Variants in FRMPD4 observed in about 807,000 individuals in gnomAD.
The protein encoded by FRMPD4 is FERM and PDZ domain containing 4.
FRMPD4 carries 22 observed loss-of-function variants against 94.1 expected under a neutral mutation model. The observed-to-expected ratio is 0.23, with a 90% CI of 0.17 to 0.33. The LOEUF (loss-of-function observed/expected upper bound fraction) is 0.33. Ranked by LOEUF, FRMPD4 falls within the 10% of genes least tolerant of loss-of-function variation. The probability of loss-of-function intolerance (pLI) is 1.00; values close to 1 mark genes in which losing one functional copy is unlikely to be tolerated. For synonymous variants in FRMPD4, 631 were observed against 548.6 expected, an observed-to-expected ratio of 1.15 and a Z score of -2.10; for missense variants, 1,111 against 1,339.9, an observed-to-expected ratio of 0.83 and a Z score of 2.67.
At chrX:12,465,707 T>A (rs1003371374) in intron 1 of FRMPD4, among the ~76,000 whole-genome samples, 3 of 112,080 alleles carry the variant, frequency 2.7e-5, no homozygotes, top group Non-Finnish European at 5.6e-5. Context: ...TGAGCTTTAA[T>A]GTTGAATGAA....
At chrX:12,561,676 T>C (rs998352925) in intron 2 of FRMPD4, among the ~76,000 whole-genome samples, 7 of 112,420 alleles carry the variant, frequency 6.2e-5, no homozygotes, top group African/African-American at 2.3e-4. Context: ...TGTGTTTGAA[T>C]AAGGGATCGT....
At chrX:11,866,654 ATATAT>A (rs1233522176) in intron 2 of FRMPD4, among the ~76,000 whole-genome samples, 4 of 112,427 alleles carry the variant, frequency 3.6e-5, no homozygotes, top group Non-Finnish European at 5.6e-5. Context: ...AACTAGATTA[ATATAT>A]TAAGAGATCT....
intron 4 of FRMPD4, among the ~76,000 whole-genome samples, chrX:12,617,596 C>G (rs1176513585): frequency 2.7e-5 from 3 of 112,390 alleles, no homozygotes; most frequent in Non-Finnish European, 5.6e-5. Flanking sequence ...CTGGGCTCCT[C>G]AGCTGATATA....
chrX:12,558,253 T>C (rs929362067), intron 2 of FRMPD4, among the ~76,000 whole-genome samples: 2 of 112,764 alleles, frequency 1.8e-5, no homozygotes, highest in African/African-American at 6.4e-5. Context: ...ACAAGGTTGA[T>C]TGCGCATGCA....
chrX:11,865,841 T>G (rs1569114199), intron 2 of FRMPD4, among the ~76,000 whole-genome samples: 1 of 112,104 alleles, frequency 8.9e-6, no homozygotes, highest in Non-Finnish European at 1.9e-5. Context: ...CTCATACAAG[T>G]CTTTGACATG....
At chrX:12,440,759 G>T (rs1164472763) in intron 1 of FRMPD4, among the ~76,000 whole-genome samples, 2 of 110,660 alleles carry the variant, frequency 1.8e-5, no homozygotes, top group Admixed American at 1.9e-4. Flanking sequence ...ACTTGGAAAG[G>T]ACACCAACTG....
intron 3 of FRMPD4, among the ~76,000 whole-genome samples, chrX:12,037,978 C>T (rs1303030993): frequency 2.7e-5 from 3 of 111,773 alleles, no homozygotes; most frequent in Admixed American, 1.9e-4. Context: ...CTTTTTAGTG[C>T]GGAATAGTAT....
chrX:12,292,101 T>A (rs2054699163), intron 1 of FRMPD4, among the ~76,000 whole-genome samples: 1 of 111,655 alleles, frequency 9.0e-6, no homozygotes, highest in Admixed American at 9.5e-5. Flanking sequence ...AGAACACACA[T>A]CCTGGGGAAC....
In FRMPD4 at chrX:12,221,546, A is replaced by T. The variant is rs182009186; in HGVS notation, c.41+82534A>T. 1.9e-4 allele frequency among the ~76,000 whole-genome samples: 21 copies of T among 112,339 alleles called. No homozygotes were observed. In the East Asian group the frequency reaches 5.3e-3, roughly 28 times the overall value. On this transcript the variant is annotated intron_variant, in intron 1 of 16. Transcript: ENST00000675598. ...TACTGTGAGCTGAAACAGAGGAAGG[A>T]TGGTTAGAGGAAGTTAGACTTGCTG...
chrX:11,824,638 C>T (rs1045837352), intron 1 of FRMPD4, among the ~76,000 whole-genome samples: 2 of 111,604 alleles, frequency 1.8e-5, no homozygotes, highest in African/African-American at 3.3e-5. Context: ...CTTCATGACT[C>T]CAACTTTGGA....
chrX:12,013,550 T>C (rs1437864591), intron 3 of FRMPD4, among the ~76,000 whole-genome samples: 5 of 112,925 alleles, frequency 4.4e-5, no homozygotes, highest in African/African-American at 1.6e-4. Context: ...ATGTCATTCC[T>C]ATCTTAACTC....
At chrX:11,851,987 G>T (rs1343866243) in intron 1 of FRMPD4, among the ~76,000 whole-genome samples, 2 of 109,327 alleles carry the variant, frequency 1.8e-5, no homozygotes, top group African/African-American at 6.6e-5. Context: ...GATAGACAGT[G>T]GGGTTCTACC....
At position 12,498,746 on chromosome X, in the gene FRMPD4, C is replaced by A; in HGVS notation, c.108C>A (p.Pro36=). The A allele has an allele frequency of 1.7e-6, 2 of 1,200,066 alleles. No individual in the cohort carries two copies. The highest frequency in any genetic ancestry group is 2.3e-6 in the Non-Finnish European group (2 of 886,811). Residue 36 remains proline (P), a synonymous_variant, in exon 2 of 17, where the codon CCC becomes CCA. Coordinates refer to ENST00000675598, the MANE Select transcript of FRMPD4 (RefSeq NM_001368397.1). ...CCTGGGGCTTGAGCCAGGTGCCGCC[C>A]TATGGATGGGAGATGACGGCAAACC... is the stretch of plus-strand genomic sequence containing the variant. ...SGTWGLSQVP[P]YGWEMTANRD... is the part of the protein sequence containing the mutation.
chrX:12,269,990 A>G (rs1437505869), intron 1 of FRMPD4, among the ~76,000 whole-genome samples: 2 of 112,078 alleles, frequency 1.8e-5, no homozygotes, highest in East Asian at 2.8e-4. Context: ...AAAATCATAT[A>G]CTTGAATCTG....
intron 3 of FRMPD4, among the ~76,000 whole-genome samples, chrX:12,003,325 T>C (rs756475553): frequency 1.8e-4 from 20 of 112,040 alleles, no homozygotes; most frequent in Non-Finnish European, 3.2e-4. Context: ...AGGGAAGTAA[T>C]GTATTACACC....
intron 8 of FRMPD4, 66 bp downstream of exon 8, chrX:12,690,392 T>A (rs2147118121): frequency 1.0e-6 from 1 of 963,553 alleles, no homozygotes; most frequent in Admixed American, 2.4e-5. Flanking sequence ...CAGTCCAAGA[T>A]TTCTCCCCCA....
chrX:12,342,700 G>A (rs2055635325), intron 1 of FRMPD4, among the ~76,000 whole-genome samples: 1 of 112,196 alleles, frequency 8.9e-6, no homozygotes, highest in Non-Finnish European at 1.9e-5. Context: ...GACATAATGT[G>A]GTTAAAGGAG....
intron 3 of FRMPD4, among the ~76,000 whole-genome samples, chrX:11,924,939 A>G (rs964994122): frequency 9.0e-6 from 1 of 111,730 alleles, no homozygotes; most frequent in African/African-American, 3.3e-5. Flanking sequence ...AAATGTCCCA[A>G]TTAAAAGACA....
At chrX:12,591,380 G>C (rs2058981489) in intron 2 of FRMPD4, among the ~76,000 whole-genome samples, 1 of 111,823 alleles carries the variant, frequency 8.9e-6, no homozygotes, top group African/African-American at 3.3e-5. Context: ...AAGAGGAGCG[G>C]TTGGCTTTGC....
Sources: allele counts gnomAD v4.1 joint callset (sites outside exome capture counted in the v4.1 genomes callset), GRCh38; gene constraint gnomAD v4.1.1; transcripts MANE v1.5; gene names NCBI Gene and HGNC (gene_info 2026-07-23, HGNC 2026-07-21).